Variants in ATRNL1 observed in about 807,000 individuals in gnomAD.
ATRNL1 encodes the protein attractin like 1.
Under a neutral mutation model 182.7 loss-of-function variants are expected in ATRNL1, and 95 were observed. That is an observed-to-expected ratio of 0.52 (90% CI 0.44 to 0.62). The LOEUF (loss-of-function observed/expected upper bound fraction) is 0.62, where lower values mean the gene tolerates loss of function less well. ATRNL1 is among the 20% of genes least tolerant of loss of function. The pLI is 0.00. For synonymous variants in ATRNL1, 576 were observed against 568.3 expected (o/e 1.01, Z -0.19); for missense variants, 1,471 against 1,679.5 (o/e 0.88, Z 2.17).
chr10:115,144,309 G>A (rs151120787), intron 5 of ATRNL1, among the ~76,000 whole-genome samples: 1 of 152,028 alleles, frequency 6.6e-6, no homozygotes, highest in East Asian at 1.9e-4. Context: ...CACCATGCCC[G>A]TCTAATTTTT....
intron 13 of ATRNL1, among the ~76,000 whole-genome samples, chr10:115,279,343 T>A (rs1226247217): frequency 6.6e-6 from 1 of 152,088 alleles, no homozygotes; most frequent in African/African-American, 2.4e-5. Flanking sequence ...ATGAATCAAA[T>A]TGGTCAAAAT....
chr10:115,812,187 T>G (rs1950061947), intron 27 of ATRNL1, among the ~76,000 whole-genome samples: 1 of 152,152 alleles, frequency 6.6e-6, no homozygotes, highest in Non-Finnish European at 1.5e-5. Flanking sequence ...AGGTTTCGTA[T>G]GGGCAACTAT....
intron 28 of ATRNL1, among the ~76,000 whole-genome samples, chr10:115,942,569 G>A (rs553570682): frequency 6.6e-6 from 1 of 152,122 alleles, no homozygotes; most frequent in Non-Finnish European, 1.5e-5. Context: ...ATAAATCTCT[G>A]AATTCAGTTC....
intron 13 of ATRNL1, among the ~76,000 whole-genome samples, chr10:115,268,775 A>G (rs933402871): frequency 2.6e-5 from 4 of 152,216 alleles, no homozygotes; most frequent in Non-Finnish European, 5.9e-5. Context: ...ATAGGTAGGT[A>G]TTGAAATAAT....
chr10:115,470,022 C>T (rs756307380), intron 24 of ATRNL1, among the ~76,000 whole-genome samples: 6 of 150,462 alleles, frequency 4.0e-5, no homozygotes, highest in Admixed American at 1.3e-4. Flanking sequence ...ATTAGTTATT[C>T]GAATAGCTTA....
chr10:115,584,422 T>G (rs1855362519), intron 26 of ATRNL1, among the ~76,000 whole-genome samples: 1 of 141,212 alleles, frequency 7.1e-6, no homozygotes, highest in African/African-American at 2.5e-5. Context: ...TGCCACAATT[T>G]CAGATGGTGT....
chr10:115,613,560 C>G (rs1857274609), intron 26 of ATRNL1, among the ~76,000 whole-genome samples: 1 of 152,066 alleles, frequency 6.6e-6, no homozygotes, highest in African/African-American at 2.4e-5. Flanking sequence ...AGAAAAAATT[C>G]CTTCTTCATC....
intron 27 of ATRNL1, among the ~76,000 whole-genome samples, chr10:115,794,253 C>T (rs1949598354): frequency 6.6e-6 from 1 of 152,082 alleles, no homozygotes; most frequent in African/African-American, 2.4e-5. Flanking sequence ...TTTTTTTCCT[C>T]ATACCATTTC....
At chr10:115,203,262 C>G (rs1441414519) in intron 8 of ATRNL1, among the ~76,000 whole-genome samples, 1 of 152,002 alleles carries the variant, frequency 6.6e-6, no homozygotes, top group Non-Finnish European at 1.5e-5. Flanking sequence ...CAAATGTAAA[C>G]AAGCGAAACT....
chr10:115,519,398 T>C (rs1850804254), intron 25 of ATRNL1, 74 bp downstream of exon 25: 1 of 1,241,082 alleles, frequency 8.1e-7, no homozygotes, highest in Non-Finnish European at 1.2e-6. Context: ...ATCTGTTAGA[T>C]AATCGACCAA....
chr10:115,835,905 A>G (rs2907555), intron 27 of ATRNL1, among the ~76,000 whole-genome samples: 97,911 of 152,010 alleles, frequency 0.64, 33,489 homozygotes, highest in East Asian at 0.79. Flanking sequence ...CCACTCAGGC[A>G]GAGGCTGCCG....
intron 20 of ATRNL1, among the ~76,000 whole-genome samples, chr10:115,410,766 C>T (rs950524661): frequency 4.6e-5 from 7 of 152,058 alleles, no homozygotes; most frequent in Non-Finnish European, 1.0e-4. Flanking sequence ...CAGAGTCTCA[C>T]TCAACTTGTC....
chr10:115,325,785 C>A (rs1854841563), intron 18 of ATRNL1, among the ~76,000 whole-genome samples: 1 of 152,090 alleles, frequency 6.6e-6, no homozygotes, highest in South Asian at 2.1e-4. Context: ...ATGTAGGTCA[C>A]CATAATGCCT....
chr10:115,468,203 T>C (rs1387793583), intron 23 of ATRNL1, among the ~76,000 whole-genome samples: 3 of 150,770 alleles, frequency 2.0e-5, no homozygotes, highest in Non-Finnish European at 4.5e-5. Flanking sequence ...CGTAATAACT[T>C]GTACTGTTAA....
At chr10:115,355,968 A>G (rs1291920538) in intron 19 of ATRNL1, among the ~76,000 whole-genome samples, 2 of 151,854 alleles carry the variant, frequency 1.3e-5, no homozygotes, top group African/African-American at 2.4e-5. Flanking sequence ...TGACAGTTCT[A>G]TTTTTACCTT....
intron 25 of ATRNL1, among the ~76,000 whole-genome samples, chr10:115,523,991 G>A (rs187221512): frequency 6.6e-6 from 1 of 152,310 alleles, no homozygotes; most frequent in Non-Finnish European, 1.5e-5. Context: ...TATGGTGTTG[G>A]CATTTGCATC....
intron 26 of ATRNL1, among the ~76,000 whole-genome samples, chr10:115,630,635 A>G (rs936619579): frequency 6.7e-6 from 1 of 150,222 alleles, no homozygotes; most frequent in Non-Finnish European, 1.5e-5. Context: ...ATAAAGAAAT[A>G]AGATTTATGT....
At chr10:115,148,019 G>A (rs1846047616) in intron 5 of ATRNL1, among the ~76,000 whole-genome samples, 1 of 152,112 alleles carries the variant, frequency 6.6e-6, no homozygotes, top group Non-Finnish European at 1.5e-5. Flanking sequence ...AGTTTGCATT[G>A]ACTCTGTAGA....
At chr10:115,217,808 T>A (rs1849289596) in intron 9 of ATRNL1, among the ~76,000 whole-genome samples, 1 of 152,228 alleles carries the variant, frequency 6.6e-6, no homozygotes. Context: ...GCTTTAATAT[T>A]TTAATGGGTC....
Sources: allele counts gnomAD v4.1 joint callset (sites outside exome capture counted in the v4.1 genomes callset), GRCh38; gene constraint gnomAD v4.1.1; transcripts MANE v1.5; gene names NCBI Gene and HGNC (gene_info 2026-07-23, HGNC 2026-07-21).